Variants in STK3 observed in about 807,000 individuals in gnomAD.
STK3 encodes serine/threonine kinase 3.
Under a neutral mutation model 58.0 loss-of-function variants are expected in STK3, and 41 were observed. That is an observed-to-expected ratio of 0.71 (90% CI 0.55 to 0.92). The LOEUF is 0.92. Ranked by LOEUF, STK3 falls within the 40% of genes least tolerant of loss-of-function variation. The pLI, the probability that STK3 is intolerant of heterozygous loss-of-function variation, is 0.00. For missense variants in STK3, 479 were observed against 602.7 expected, an observed-to-expected ratio of 0.79 and a Z score of 2.15; for synonymous variants, 170 against 191.0, an observed-to-expected ratio of 0.89 and a Z score of 0.91.
At chr8:98,700,174 G>A (rs978259178) in intron 6 of STK3, among the ~76,000 whole-genome samples, 2 of 152,210 alleles carry the variant, frequency 1.3e-5, no homozygotes, top group Non-Finnish European at 2.9e-5. Flanking sequence ...TGATCCAAGT[G>A]CGGGATATAA....
chr8:98,717,369 AT>A (rs2131160826), intron 4 of STK3, among the ~76,000 whole-genome samples: 1 of 152,310 alleles, frequency 6.6e-6, no homozygotes, highest in South Asian at 2.1e-4. Context: ...AAGGACTCGT[AT>A]GGACATTTCT....
chr8:98,404,427 C>T (rs1046272816), intron 3 of STK3, among the ~76,000 whole-genome samples: 1 of 151,884 alleles, frequency 6.6e-6, no homozygotes, highest in Non-Finnish European at 1.5e-5. Context: ...ACGCCTGTAA[C>T]CCCAGCACTT....
At chr8:98,494,056 T>C (rs1290953101) in intron 10 of STK3, among the ~76,000 whole-genome samples, 1 of 152,204 alleles carries the variant, frequency 6.6e-6, no homozygotes, top group Non-Finnish European at 1.5e-5. Context: ...CTACTTCCAA[T>C]CTCAATTTTT....
At chr8:98,398,289 A>G (rs1817912816), downstream of STK3, among the ~76,000 whole-genome samples, 1 of 152,134 alleles carries the variant, frequency 6.6e-6, no homozygotes, top group Non-Finnish European at 1.5e-5. Flanking sequence ...AAAGCTTTGG[A>G]TGCATCTTAG....
intron 6 of STK3, among the ~76,000 whole-genome samples, chr8:98,614,960 G>C (rs942199226): frequency 2.6e-5 from 4 of 152,240 alleles, no homozygotes; most frequent in South Asian, 4.1e-4. Context: ...GAGCCCACCA[G>C]AGTTCAAGGA....
rs1178928185 is a variant in STK3 at position 98,387,872 on chromosome 8, C to CTT, written n.56+319_56+320insAA. On this transcript the variant is annotated intron_variant and non_coding_transcript_variant, in intron 1 of 2. Transcript: ENST00000518704. The stretch of plus-strand genomic sequence containing the variant: ...GAAACCAGAGCTCTTTGTAAAATGC[C>CTT]CTTTTTTTTTTTTTTTTGTCAGATA... 1.9e-3 allele frequency among the ~76,000 whole-genome samples: 280 copies of CTT among 144,728 alleles called. 5 individuals are homozygous for CTT. Among genetic ancestry groups the CTT allele is most frequent in the African/African-American group, 7.0e-3 (250 of 35,746 alleles). 94.9% of individuals were successfully genotyped at this position (144,728 alleles called of 152,430 possible).
chr8:98,440,216 G>A (rs904758688), intron 1 of STK3, among the ~76,000 whole-genome samples: 6 of 152,224 alleles, frequency 3.9e-5, no homozygotes, highest in African/African-American at 1.4e-4. Flanking sequence ...AATCCAGACC[G>A]AGAGTGTGAC....
chr8:98,434,136 T>C (rs1430082716), exon 3 of STK3: 3 of 152,268 alleles, frequency 2.0e-5, no homozygotes, highest in African/African-American at 7.2e-5. Flanking sequence ...CACTGAGCAG[T>C]GGTGGCATCT....
intron 8 of STK3, among the ~76,000 whole-genome samples, chr8:98,553,976 TA>T (rs1213718235): frequency 3.3e-5 from 5 of 151,908 alleles, no homozygotes; most frequent in African/African-American, 1.2e-4. Flanking sequence ...AAAAGTCTCT[TA>T]TTAACCCTCA....
chr8:98,832,025 A>G (rs1209241126), intron 3 of STK3, among the ~76,000 whole-genome samples: 1 of 152,188 alleles, frequency 6.6e-6, no homozygotes, highest in East Asian at 1.9e-4. Context: ...TCTTCAATTT[A>G]CTTCCATTTC....
intron 9 of STK3, among the ~76,000 whole-genome samples, chr8:98,533,818 C>T (rs1293463401): frequency 6.6e-6 from 1 of 152,146 alleles, no homozygotes; most frequent in East Asian, 1.9e-4. Flanking sequence ...GTGTTTCCAT[C>T]TTTACTTTTC....
chr8:98,758,961 C>T (rs552690482), intron 3 of STK3, among the ~76,000 whole-genome samples: 6 of 152,188 alleles, frequency 3.9e-5, no homozygotes, highest in Admixed American at 3.3e-4. Context: ...GGGCATTGCT[C>T]GAGATTAGGC....
At chr8:98,794,797 G>A (rs1050516848) in intron 1 of STK3, among the ~76,000 whole-genome samples, 1 of 151,970 alleles carries the variant, frequency 6.6e-6, no homozygotes, top group Non-Finnish European at 1.5e-5. Context: ...GCTCGGCACA[G>A]TGGCTCACGC....
chr8:98,842,106 T>TA (rs1211382400), intron 3 of STK3, among the ~76,000 whole-genome samples: 10 of 151,960 alleles, frequency 6.6e-5, no homozygotes, highest in South Asian at 6.2e-4. Flanking sequence ...ATATGAATTT[T>TA]AAAAAAAATA....
At chr8:98,659,869 AC>A (rs1486261355) in intron 6 of STK3, among the ~76,000 whole-genome samples, 2 of 151,620 alleles carry the variant, frequency 1.3e-5, no homozygotes, top group Admixed American at 1.3e-4. Context: ...GCTTAAAAAA[AC>A]AAATAAAAAT....
chr8:98,527,064 A>G, intron 9 of STK3, 147 bp from the exon 10 acceptor site: 1 of 545,172 alleles, frequency 1.8e-6, no homozygotes, highest in Non-Finnish European at 2.8e-6. Context: ...TAAAGAACAA[A>G]GTGAAATAAA....
intron 8 of STK3, among the ~76,000 whole-genome samples, chr8:98,553,145 T>A (rs1811311776): frequency 6.6e-6 from 1 of 152,124 alleles, no homozygotes; most frequent in African/African-American, 2.4e-5. Context: ...GACTATATAT[T>A]TAACATACAA....
chr8:98,720,750 C>CAAA (rs35529460), intron 4 of STK3, among the ~76,000 whole-genome samples: 13 of 94,740 alleles, frequency 1.4e-4, no homozygotes, highest in South Asian at 3.8e-4. Flanking sequence ...GACTCCGTCT[C>CAAA]AAAAAAAAAA....
intron 4 of STK3, among the ~76,000 whole-genome samples, chr8:98,733,045 G>T (rs1828321264): frequency 6.6e-6 from 1 of 152,078 alleles, no homozygotes; most frequent in Non-Finnish European, 1.5e-5. Context: ...TAACCTAGGG[G>T]TACAACACTG....
Sources: gnomAD v4.1 joint callset for allele counts (sites outside exome capture counted in the v4.1 genomes callset) on GRCh38, gnomAD v4.1.1 for gene constraint, MANE v1.5 for transcripts, NCBI Gene and HGNC (gene_info 2026-07-23, HGNC 2026-07-21) for gene names.